The following SPOCK1 variants were observed in gnomAD, a reference collection of about 807,000 sequenced individuals.
SPOCK1 encodes SPARC (osteonectin), cwcv and kazal like domains proteoglycan 1.
Under a neutral mutation model 55.3 loss-of-function variants are expected in SPOCK1, and 23 were observed. The observed-to-expected ratio is 0.42, with a 90% CI of 0.30 to 0.59. The LOEUF (loss-of-function observed/expected upper bound fraction) is 0.59, where lower values mean the gene tolerates loss of function less well. Ranked by LOEUF, SPOCK1 falls within the 20% of genes least tolerant of loss-of-function variation. The pLI, the probability that SPOCK1 is intolerant of heterozygous loss-of-function variation, is 0.22. For synonymous variants in SPOCK1, 226 were observed against 221.0 expected (o/e 1.02, Z -0.20); for missense variants, 499 against 552.5 (o/e 0.90, Z 0.97).
At chr5:137,369,301 C>A (rs1032585008) in intron 2 of SPOCK1, among the ~76,000 whole-genome samples, 2 of 152,212 alleles carry the variant, frequency 1.3e-5, no homozygotes, top group East Asian at 3.8e-4. Context: ...CATCTATCTA[C>A]CTCTTTCCTT....
At chr5:137,368,340 C>A (rs1200660045) in intron 2 of SPOCK1, among the ~76,000 whole-genome samples, 1 of 152,140 alleles carries the variant, frequency 6.6e-6, no homozygotes, top group Non-Finnish European at 1.5e-5. Flanking sequence ...GACAACTGGA[C>A]CATGCCACAC....
At chr5:137,345,168 G>A (rs1281738006) in intron 2 of SPOCK1, among the ~76,000 whole-genome samples, 1 of 152,214 alleles carries the variant, frequency 6.6e-6, no homozygotes, top group African/African-American at 2.4e-5. Context: ...AACTTGTATG[G>A]AATTGTTTGG....
chr5:137,010,687 A>G (rs1233799367), intron 6 of SPOCK1, among the ~76,000 whole-genome samples: 1 of 152,174 alleles, frequency 6.6e-6, no homozygotes, highest in Non-Finnish European at 1.5e-5. Context: ...TGTGCTCTTA[A>G]CTTCACCCAT....
At chr5:137,039,842 T>C (rs539229109) in intron 6 of SPOCK1, among the ~76,000 whole-genome samples, 73 of 152,354 alleles carry the variant, frequency 4.8e-4, no homozygotes, top group African/African-American at 1.5e-3. Context: ...TTCACAGGTA[T>C]ACAGGTGCCT....
chr5:136,986,375 A>G (rs1750841700), intron 8 of SPOCK1, among the ~76,000 whole-genome samples: 1 of 152,106 alleles, frequency 6.6e-6, no homozygotes, highest in African/African-American at 2.4e-5. Context: ...TAAAAATCAC[A>G]TGTTACAATA....
At position 136,976,798 on chromosome 5, in the gene SPOCK1, A is replaced by G. The variant is rs577824797; in HGVS notation, c.*1856T>C. On this transcript the variant is annotated 3_prime_UTR_variant, in exon 11 of 11. Coordinates refer to ENST00000394945, the MANE Select transcript of SPOCK1 (RefSeq NM_004598.4). ...ATTTACGAAGCCAAAGGACTTTGCT[A>G]TATCAAGTAGTTCATTTCTTATCTA... 3 of 152,334 alleles carry G rather than the reference A, an allele frequency of 2.0e-5. No individual in the cohort carries two copies. In the South Asian group the frequency reaches 6.2e-4, roughly 32 times the overall value. 9.4% of individuals were successfully genotyped at this position (152,334 alleles called of 1,614,324 possible).
rs1449888910 is a variant in SPOCK1 at position 137,165,230 on chromosome 5, CTTTG to C, written c.233-24540_233-24537del. ...ACATGGCTCAGAACAGAAAGAAAGA[CTTTG>C]TTTGTTTGGGAGAAAGCAAGGAAAG... On this transcript the variant is annotated intron_variant, in intron 3 of 10. Transcript: ENST00000394945. 7.9e-5 allele frequency among the ~76,000 whole-genome samples: 12 copies of C among 152,300 alleles called. No homozygotes were observed. In the East Asian group the frequency reaches 2.1e-3, roughly 27 times the overall value.
At chr5:136,995,600 C>T (rs1191323509) in intron 6 of SPOCK1, among the ~76,000 whole-genome samples, 3 of 152,284 alleles carry the variant, frequency 2.0e-5, no homozygotes, top group Admixed American at 6.5e-5. Context: ...TATTGCCATG[C>T]GCACCATCTA....
At chr5:137,355,438 C>T (rs902639137) in intron 2 of SPOCK1, among the ~76,000 whole-genome samples, 5 of 152,200 alleles carry the variant, frequency 3.3e-5, no homozygotes, top group African/African-American at 9.7e-5. Flanking sequence ...ATCCTCCCAC[C>T]TCAGCTTTCC....
chr5:137,155,338 G>A (rs953166212), intron 3 of SPOCK1, among the ~76,000 whole-genome samples: 1 of 152,192 alleles, frequency 6.6e-6, no homozygotes. Context: ...ATCCATAGCA[G>A]TCCCCCGTCC....
At chr5:137,318,237 G>A (rs1757918002) in intron 2 of SPOCK1, among the ~76,000 whole-genome samples, 1 of 152,182 alleles carries the variant, frequency 6.6e-6, no homozygotes, top group Admixed American at 6.5e-5. Flanking sequence ...TGCCTCCACA[G>A]TAAAGTGCTG....
chr5:137,069,785 A>G (rs1752576754), intron 5 of SPOCK1, among the ~76,000 whole-genome samples: 1 of 152,256 alleles, frequency 6.6e-6, no homozygotes, highest in Non-Finnish European at 1.5e-5. Flanking sequence ...GCTTATTAAA[A>G]GAATCCTTAA....
At chr5:137,318,066 G>A (rs779948704) in intron 2 of SPOCK1, among the ~76,000 whole-genome samples, 1 of 152,134 alleles carries the variant, frequency 6.6e-6, no homozygotes, top group African/African-American at 2.4e-5. Context: ...CCAGACACCT[G>A]CAACCAGTGA....
chr5:137,206,881 G>A (rs1475593970), intron 3 of SPOCK1, among the ~76,000 whole-genome samples: 3 of 152,202 alleles, frequency 2.0e-5, no homozygotes, highest in Non-Finnish European at 4.4e-5. Context: ...AGGAAACTGA[G>A]AACCAGAGAG....
intron 2 of SPOCK1, among the ~76,000 whole-genome samples, chr5:137,300,293 T>G (rs1181619169): frequency 6.6e-6 from 1 of 152,158 alleles, no homozygotes. Flanking sequence ...TTCCTTTAGG[T>G]CTCTGAACAT....
intron 2 of SPOCK1, among the ~76,000 whole-genome samples, chr5:137,362,805 C>A (rs544880880): frequency 6.6e-6 from 1 of 152,188 alleles, no homozygotes; most frequent in African/African-American, 2.4e-5. Context: ...CAGATTTGGC[C>A]TGAGGGCCAC....
intron 4 of SPOCK1, among the ~76,000 whole-genome samples, chr5:137,114,226 G>C (rs1299470520): frequency 6.6e-6 from 1 of 152,198 alleles, no homozygotes; most frequent in South Asian, 2.1e-4. Context: ...CACCTTGCTT[G>C]TTCAACTTGC....
intron 3 of SPOCK1, among the ~76,000 whole-genome samples, chr5:137,182,897 T>G (rs1305918669): frequency 2.0e-5 from 3 of 152,100 alleles, no homozygotes; most frequent in Non-Finnish European, 4.4e-5. Flanking sequence ...CCAATCTCCA[T>G]GGAGGCCTGG....
intron 2 of SPOCK1, among the ~76,000 whole-genome samples, chr5:137,414,497 T>G (rs548161326): frequency 6.6e-5 from 10 of 152,332 alleles, no homozygotes; most frequent in African/African-American, 2.2e-4. Context: ...AGTAAAGACA[T>G]CTTTATTAAT....
Sources: allele counts gnomAD v4.1 joint callset (sites outside exome capture counted in the v4.1 genomes callset), GRCh38; gene constraint gnomAD v4.1.1; transcripts MANE v1.5; gene names NCBI Gene and HGNC (gene_info 2026-07-23, HGNC 2026-07-21).